RAD52: variants seen among roughly 807,000 people sequenced by gnomAD.
RAD52 encodes the protein RAD52 DNA repair protein.
In RAD52, 47 loss-of-function variants were observed where a neutral mutation model predicts 55.5. The ratio of observed to expected loss-of-function variants is 0.85; its 90% confidence interval spans 0.67 to 1.08. The LOEUF is 1.08. Ranked by LOEUF, RAD52 falls within the 50% of genes least tolerant of loss-of-function variation. The pLI, the probability that RAD52 is intolerant of heterozygous loss-of-function variation, is 0.00. For missense variants in RAD52, 468 were observed against 522.8 expected (o/e 0.90, Z 1.02); for synonymous variants, 184 against 198.9 (o/e 0.92, Z 0.63).
intron 1 of RAD52, among the ~76,000 whole-genome samples, chr12:958,254 C>T (rs376094099): frequency 6.6e-6 from 1 of 152,138 alleles, no homozygotes; most frequent in African/African-American, 2.4e-5. Flanking sequence ...TCGCTTTTGT[C>T]GCCCAGGCTG....
intron 1 of RAD52, among the ~76,000 whole-genome samples, chr12:959,068 T>G (rs1349142048): frequency 6.6e-6 from 1 of 152,130 alleles, no homozygotes; most frequent in South Asian, 2.1e-4. Context: ...GACTTAATAC[T>G]TTCACAGGAG....
At chr12:959,101 T>G (rs1958650425) in intron 1 of RAD52, among the ~76,000 whole-genome samples, 1 of 152,160 alleles carries the variant, frequency 6.6e-6, no homozygotes, top group Non-Finnish European at 1.5e-5. Flanking sequence ...GTAAGAATAA[T>G]GCTAAGATTA....
chr12:939,085 T>TGTGTGTGTGTGTGG (rs57206780), intron 1 of RAD52, among the ~76,000 whole-genome samples: 1 of 144,650 alleles, frequency 6.9e-6, no homozygotes, highest in Non-Finnish European at 1.5e-5. Context: ...TGTGTGTGTG[T>TGTGTGTGTGTGTGG]AGAGAGAGAG....
chr12:949,774 C>A (rs1180996428), upstream of RAD52: 1 of 152,282 alleles, frequency 6.6e-6, no homozygotes, highest in Non-Finnish European at 1.5e-5. Context: ...AAAACACAGA[C>A]CAGAGAAGGA....
At chr12:942,177 C>G (rs1195559540) in intron 1 of RAD52, among the ~76,000 whole-genome samples, 3 of 152,096 alleles carry the variant, frequency 2.0e-5, no homozygotes, top group African/African-American at 4.8e-5. Flanking sequence ...ATTGGAAGAC[C>G]TACAACTACA....
intron 1 of RAD52, among the ~76,000 whole-genome samples, chr12:957,022 A>G (rs1261418356): frequency 6.6e-6 from 1 of 152,206 alleles, no homozygotes; most frequent in African/African-American, 2.4e-5. Flanking sequence ...ACACCTTACA[A>G]TGAACCCACC....
intron 1 of RAD52, among the ~76,000 whole-genome samples, chr12:987,655 G>A (rs889920003): frequency 2.6e-5 from 4 of 151,176 alleles, no homozygotes; most frequent in African/African-American, 7.3e-5. Context: ...CTGCCTCCTG[G>A]GCTTAAGCTA....
At chr12:965,606 T>A (rs1958749891) in intron 1 of RAD52, among the ~76,000 whole-genome samples, 1 of 152,014 alleles carries the variant, frequency 6.6e-6, no homozygotes, top group South Asian at 2.1e-4. Flanking sequence ...ACTTTCCTTA[T>A]ATTTACATTT....
chr12:970,537 T>G (rs1958831770), intron 1 of RAD52, among the ~76,000 whole-genome samples: 1 of 152,162 alleles, frequency 6.6e-6, no homozygotes, highest in Non-Finnish European at 1.5e-5. Context: ...TTCCTAAGAT[T>G]CTTTTTTCAG....
At chr12:924,132 G>A (rs991476321) in intron 7 of RAD52, among the ~76,000 whole-genome samples, 34 of 151,646 alleles carry the variant, frequency 2.2e-4, no homozygotes, top group Non-Finnish European at 4.7e-4. Flanking sequence ...AACAAAGGCC[G>A]GGCGCGGGGG....
chr12:942,705 A>G (rs1957984810), intron 1 of RAD52, among the ~76,000 whole-genome samples: 1 of 151,768 alleles, frequency 6.6e-6, no homozygotes, highest in African/African-American at 2.4e-5. Flanking sequence ...GGAGATCGCC[A>G]TCACCGCACT....
chr12:974,585 G>C (rs1437903642), intron 1 of RAD52: 1 of 152,214 alleles, frequency 6.6e-6, no homozygotes, highest in African/African-American at 2.4e-5. Flanking sequence ...TGCTCTGTGA[G>C]AGAAATGCAG....
chr12:927,353 G>A (rs780628363), intron 5 of RAD52, 90 bp from the exon 6 acceptor site: 23 of 965,252 alleles, frequency 2.4e-5, no homozygotes, highest in Admixed American at 1.1e-4. Flanking sequence ...GTTCAAAGCC[G>A]GACTCTCCCA....
intron 7 of RAD52, among the ~76,000 whole-genome samples, chr12:921,299 G>T (rs928081812): frequency 6.6e-6 from 1 of 152,028 alleles, no homozygotes; most frequent in South Asian, 2.1e-4. Context: ...AAAACAATAC[G>T]AAAAAGCTCA....
At chr12:981,627 C>T (rs1018353914) in intron 1 of RAD52, among the ~76,000 whole-genome samples, 10 of 151,586 alleles carry the variant, frequency 6.6e-5, no homozygotes, top group African/African-American at 1.2e-4. Context: ...CGTGGTGGTG[C>T]GCGCCTGTAA....
Position 930,149 on chromosome 12 carries a change from A to T in RAD52, c.187-5T>A. 6.2e-7 allele frequency: 1 copy of T among 1,601,342 alleles called. No homozygotes were observed. Among genetic ancestry groups the T allele is most frequent in the Non-Finnish European group, 8.5e-7 (1 of 1,171,346 alleles). On this transcript the variant is annotated splice_region_variant and splice_polypyrimidine_tract_variant and intron_variant, in intron 3 of 11. Transcript: ENST00000358495. ...ATGACCCTCAATGTAGCACACCTAG[A>T]AAAACAAATGTTTTTAAGGAAAAGC... is the stretch of plus-strand genomic sequence containing the variant.
intron 1 of RAD52, among the ~76,000 whole-genome samples, chr12:985,671 T>TA (rs1184632363): frequency 6.6e-6 from 1 of 152,130 alleles, no homozygotes; most frequent in Non-Finnish European, 1.5e-5. Flanking sequence ...CCACTTTTTT[T>TA]AAAAAACATT....
At chr12:967,651 C>G (rs1313605644) in intron 1 of RAD52, among the ~76,000 whole-genome samples, 1 of 151,954 alleles carries the variant, frequency 6.6e-6, no homozygotes, top group Non-Finnish European at 1.5e-5. Context: ...GTCACCCAGG[C>G]CGAAGTTCAG....
At chr12:926,086 G>A (rs985265810) in intron 6 of RAD52, among the ~76,000 whole-genome samples, 10 of 152,270 alleles carry the variant, frequency 6.6e-5, no homozygotes, top group African/African-American at 1.9e-4. Flanking sequence ...ATGCCGGGGG[G>A]TGCGGCCTGG....
Sources: gnomAD v4.1 joint callset for allele counts (sites outside exome capture counted in the v4.1 genomes callset) on GRCh38, gnomAD v4.1.1 for gene constraint, MANE v1.5 for transcripts, NCBI Gene and HGNC (gene_info 2026-07-23, HGNC 2026-07-21) for gene names.